The following TTC39C variants were observed in gnomAD, a reference collection of about 807,000 sequenced individuals.
TTC39C encodes the protein tetratricopeptide repeat protein 39C.
Under a neutral mutation model 76.3 loss-of-function variants are expected in TTC39C, and 33 were observed. That is an observed-to-expected ratio of 0.43 (90% CI 0.33 to 0.58). The LOEUF is 0.58. TTC39C is among the 20% of genes least tolerant of loss of function. The probability of loss-of-function intolerance (pLI) is 0.04; values close to 1 mark genes in which losing one functional copy is unlikely to be tolerated. For synonymous variants in TTC39C, 254 were observed against 260.6 expected, an observed-to-expected ratio of 0.97 and a Z score of 0.24; for missense variants, 595 against 701.4, an observed-to-expected ratio of 0.85 and a Z score of 1.71.
chr18:24,042,743 G>A (rs1269527691), intron 1 of TTC39C, among the ~76,000 whole-genome samples: 1 of 152,144 alleles, frequency 6.6e-6, no homozygotes, highest in African/African-American at 2.4e-5. Flanking sequence ...TCCTGTGTAT[G>A]ATATGATACA....
intron 10 of TTC39C, among the ~76,000 whole-genome samples, chr18:24,126,665 T>C (rs2085055205): frequency 6.6e-6 from 1 of 151,998 alleles, no homozygotes; most frequent in South Asian, 2.1e-4. Flanking sequence ...TTTTTAGTTT[T>C]TAGAGACAAG....
At chr18:24,010,968 A>G (rs1342176685), upstream of TTC39C, among the ~76,000 whole-genome samples, 2 of 152,176 alleles carry the variant, frequency 1.3e-5, no homozygotes, top group African/African-American at 4.8e-5. Context: ...GGATCACTTG[A>G]GCCTGGGAGG....
At chr18:24,123,742 C>CTTT in intron 8 of TTC39C, 92 bp from the exon 9 acceptor site, 13 of 744,620 alleles carry the variant, frequency 1.7e-5, no homozygotes, top group South Asian at 8.8e-5. Context: ...TTTGCTCCTG[C>CTTT]TTTTTTTTTT....
chr18:24,053,844 T>C (rs2083982972), intron 1 of TTC39C, among the ~76,000 whole-genome samples: 1 of 152,226 alleles, frequency 6.6e-6, no homozygotes, highest in Non-Finnish European at 1.5e-5. Flanking sequence ...AAGTCAGCCC[T>C]CATCAGATTA....
chr18:24,097,255 A>G (rs969078193), intron 6 of TTC39C, among the ~76,000 whole-genome samples: 1 of 152,170 alleles, frequency 6.6e-6, no homozygotes, highest in Non-Finnish European at 1.5e-5. Flanking sequence ...TGAGCATCCC[A>G]AAAAAACTGT....
chr18:24,039,113 C>T (rs568419158), intron 1 of TTC39C, among the ~76,000 whole-genome samples: 2 of 152,306 alleles, frequency 1.3e-5, no homozygotes, highest in African/African-American at 4.8e-5. Context: ...TTCAGTCCCC[C>T]CATGCACCTG....
At chr18:24,126,374 G>A in intron 10 of TTC39C, among the ~76,000 whole-genome samples, 1 of 144,424 alleles carries the variant, frequency 6.9e-6, no homozygotes, top group Admixed American at 7.2e-5. Flanking sequence ...GATCCATTGA[G>A]CCACATATTT....
upstream of TTC39C, among the ~76,000 whole-genome samples, chr18:24,013,328 A>T (rs2083408694): frequency 2.0e-5 from 3 of 152,198 alleles, no homozygotes; most frequent in Admixed American, 6.5e-5. Context: ...CATGACACTT[A>T]AGGAGTGGCA....
intron 1 of TTC39C, chr18:24,015,433 T>G: frequency 6.0e-6 from 1 of 166,990 alleles, no homozygotes; most frequent in Non-Finnish European, 1.3e-5. Flanking sequence ...GTCGTGACTC[T>G]GGCTCGCGTG....
At chr18:24,131,851 G>A (rs771819355) in intron 12 of TTC39C, 31 bp from the exon 13 acceptor site, 4 of 1,601,080 alleles carry the variant, frequency 2.5e-6, no homozygotes, top group South Asian at 2.3e-5. Context: ...TATAAACACA[G>A]ATTTTATGGG....
chr18:24,050,299 G>A (rs2083931916), intron 1 of TTC39C, among the ~76,000 whole-genome samples: 1 of 149,684 alleles, frequency 6.7e-6, no homozygotes, highest in African/African-American at 2.4e-5. Context: ...GCCTGGTGCA[G>A]TGGCTCATGC....
At chr18:24,050,563 C>A (rs1312763586) in intron 1 of TTC39C, among the ~76,000 whole-genome samples, 165 of 77,026 alleles carry the variant, frequency 2.1e-3, no homozygotes, top group South Asian at 2.7e-3. Flanking sequence ...GACCCTGTCT[C>A]AAAAAAAAAA....
intron 1 of TTC39C, among the ~76,000 whole-genome samples, chr18:24,001,983 G>A (rs1020080841): frequency 2.6e-5 from 4 of 151,868 alleles, no homozygotes; most frequent in South Asian, 2.1e-4. Context: ...CCGCCACCAC[G>A]CCCGGCTAAT....
chr18:24,106,029 T>C (rs987221660), intron 6 of TTC39C, among the ~76,000 whole-genome samples: 1 of 152,222 alleles, frequency 6.6e-6, no homozygotes, highest in Non-Finnish European at 1.5e-5. Context: ...CCTCCGCATC[T>C]GCATTCTCCC....
chr18:24,080,873 G>A lies in TTC39C; in HGVS notation c.749G>A (p.Arg250His), dbSNP rs1199307701. ...AACCTGCTGGGTTTTCCTGGAGACC[G>A]CCTACAGGGGCTTTCTTCACTGATG... is the stretch of plus-strand genomic sequence containing the variant. ...IINLLGFPGD[R>H]LQGLSSLMYA... is the part of the protein sequence containing the mutation. Residue 250 changes from arginine (R) to histidine (H), a missense_variant, in exon 5 of 14, where the codon CGC becomes CAC. Physicochemically the swap from Arg to His is conservative, Grantham distance 29. Transcript: ENST00000317571. 12 of 1,614,000 alleles carry A rather than the reference G, an allele frequency of 7.4e-6. No homozygotes were observed. Among genetic ancestry groups the A allele is most frequent in the Admixed American group, 1.7e-5 (1 of 59,988 alleles).
intron 1 of TTC39C, among the ~76,000 whole-genome samples, chr18:24,003,631 G>A (rs920941549): frequency 3.3e-5 from 5 of 151,906 alleles, no homozygotes; most frequent in African/African-American, 9.7e-5. Context: ...AACCACTGGT[G>A]TGCCTATGAC....
chr18:24,103,773 A>G (rs1210794745), intron 6 of TTC39C, among the ~76,000 whole-genome samples: 1 of 137,236 alleles, frequency 7.3e-6, no homozygotes, highest in African/African-American at 2.7e-5. Flanking sequence ...CATCATCCTG[A>G]CTCCCTGCTT....
At chr18:24,091,382 C>G (rs2084514796) in intron 6 of TTC39C, among the ~76,000 whole-genome samples, 1 of 152,136 alleles carries the variant, frequency 6.6e-6, no homozygotes, top group Non-Finnish European at 1.5e-5. Flanking sequence ...ATGGAGGTTG[C>G]AGTAATCAGA....
Position 24,075,703 on chromosome 18 carries a change from AC to A in TTC39C, c.461-4881del, listed in dbSNP as rs71163657. Among the ~76,000 whole-genome samples, 71 of 149,892 alleles carry A rather than the reference AC, an allele frequency of 4.7e-4. 1 individual carries two copies. The highest frequency in any genetic ancestry group is 6.1e-4 in the Non-Finnish European group (41 of 67,462). On this transcript the variant is annotated intron_variant, in intron 4 of 13. Coordinates refer to ENST00000317571, the MANE Select transcript of TTC39C (RefSeq NM_001135993.2). ...TTGTCTCAAAAAAAAAAAAAAAAAA[AC>A]AAAAAAAAAACCTCTATTATTTGAG...
Sources: allele counts gnomAD v4.1 joint callset (sites outside exome capture counted in the v4.1 genomes callset), GRCh38; gene constraint gnomAD v4.1.1; transcripts MANE v1.5; gene names NCBI Gene and HGNC (gene_info 2026-07-23, HGNC 2026-07-21).